The following CDKAL1 variants were observed in gnomAD, a reference collection of about 807,000 sequenced individuals.
The protein encoded by CDKAL1 is threonylcarbamoyladenosine tRNA methylthiotransferase.
In CDKAL1, 32 loss-of-function variants were observed where a neutral mutation model predicts 68.2. The ratio of observed to expected loss-of-function variants is 0.47; its 90% CI spans 0.35 to 0.63. The LOEUF is 0.63. CDKAL1 is among the 30% of genes least tolerant of loss of function. CDKAL1 has a pLI of 0.00. For missense variants in CDKAL1, 606 were observed against 696.7 expected (o/e 0.87, Z 1.47); for synonymous variants, 234 against 244.3 (o/e 0.96, Z 0.39).
chr6:20,998,756 C>G (rs1444469919), intron 10 of CDKAL1, among the ~76,000 whole-genome samples: 2 of 152,052 alleles, frequency 1.3e-5, no homozygotes, highest in Non-Finnish European at 2.9e-5. Flanking sequence ...CTATATGTAA[C>G]AAGGTTAATA....
chr6:21,011,046 C>T (rs1283537626), intron 11 of CDKAL1, among the ~76,000 whole-genome samples: 3 of 141,760 alleles, frequency 2.1e-5, no homozygotes, highest in Non-Finnish European at 3.0e-5. Context: ...CGCACCACTG[C>T]ACTCCAGCCT....
intron 11 of CDKAL1, among the ~76,000 whole-genome samples, chr6:21,036,413 G>T (rs1769599519): frequency 6.6e-6 from 1 of 152,084 alleles, no homozygotes; most frequent in Admixed American, 6.6e-5. Flanking sequence ...GTATGGTGTG[G>T]CAGAGCAAGT....
chr6:20,582,628 G>A (rs889503626), intron 4 of CDKAL1, among the ~76,000 whole-genome samples: 1 of 151,998 alleles, frequency 6.6e-6, no homozygotes, highest in African/African-American at 2.4e-5. Flanking sequence ...TGTGGTCACT[G>A]GAAATTTTCT....
chr6:20,783,728 A>G (rs1193502262), intron 8 of CDKAL1, among the ~76,000 whole-genome samples: 6 of 152,094 alleles, frequency 3.9e-5, no homozygotes, highest in Admixed American at 6.5e-5. Context: ...TTTACACACT[A>G]TGTCATTTGT....
chr6:20,996,338 T>C lies in CDKAL1; in HGVS notation c.910-3889T>C, dbSNP rs57015150. On this transcript the variant is annotated intron_variant, in intron 10 of 15. Coordinates refer to ENST00000274695, the MANE Select transcript of CDKAL1 (RefSeq NM_017774.3). ...ATTTGGCTGACTGGTGCAAGAGGCC[T>C]AGCTTTTAACGTGTCTCAGCTTTTG... Among the ~76,000 whole-genome samples, 525 of 152,378 alleles carry C rather than the reference T, an allele frequency of 3.4e-3. 3 individuals are homozygous for C. The highest frequency in any genetic ancestry group is 0.012 in the African/African-American group (497 of 41,586).
At chr6:21,008,968 C>G (rs988942870) in intron 11 of CDKAL1, among the ~76,000 whole-genome samples, 1 of 152,106 alleles carries the variant, frequency 6.6e-6, no homozygotes, top group African/African-American at 2.4e-5. Context: ...ATTCTGTGGA[C>G]CCCCGCTGGC....
At chr6:21,109,385 C>G (rs1774012449) in intron 13 of CDKAL1, among the ~76,000 whole-genome samples, 1 of 152,152 alleles carries the variant, frequency 6.6e-6, no homozygotes, top group Non-Finnish European at 1.5e-5. Flanking sequence ...GTGAAAACTA[C>G]TTTCCTCAGT....
chr6:20,696,671 T>C (rs1351214680), intron 5 of CDKAL1, among the ~76,000 whole-genome samples: 1 of 152,190 alleles, frequency 6.6e-6, no homozygotes, highest in Non-Finnish European at 1.5e-5. Context: ...ATTAATTCTT[T>C]GTAAGTTGTG....
intron 15 of CDKAL1, among the ~76,000 whole-genome samples, chr6:21,210,695 G>T (rs969002059): frequency 3.3e-5 from 5 of 152,222 alleles, no homozygotes; most frequent in African/African-American, 1.2e-4. Context: ...GAAGTTGGAA[G>T]ATAGGAGATC....
At chr6:20,691,367 G>A (rs1358275209) in intron 5 of CDKAL1, among the ~76,000 whole-genome samples, 1 of 151,844 alleles carries the variant, frequency 6.6e-6, no homozygotes, top group Admixed American at 6.6e-5. Context: ...CTTCTGCTTG[G>A]TGATGTTGGA....
chr6:21,058,123 C>A (rs1014980010), intron 11 of CDKAL1, among the ~76,000 whole-genome samples: 2 of 152,142 alleles, frequency 1.3e-5, no homozygotes, highest in African/African-American at 4.8e-5. Flanking sequence ...TTTAAAGTGT[C>A]CCGCTATTAT....
intron 13 of CDKAL1, among the ~76,000 whole-genome samples, chr6:21,113,730 A>G (rs1041218124): frequency 1.3e-5 from 2 of 151,240 alleles, no homozygotes; most frequent in Non-Finnish European, 2.9e-5. Context: ...CAGCCTCCCA[A>G]AGTGCTGGAA....
At chr6:20,595,598 T>C (rs1254616203) in intron 4 of CDKAL1, among the ~76,000 whole-genome samples, 2 of 152,112 alleles carry the variant, frequency 1.3e-5, no homozygotes, top group African/African-American at 4.8e-5. Flanking sequence ...GTTCTTTGCT[T>C]CCTTGCATTG....
chr6:21,161,383 A>G (rs1484245984), intron 13 of CDKAL1, among the ~76,000 whole-genome samples: 3 of 152,240 alleles, frequency 2.0e-5, no homozygotes, highest in Non-Finnish European at 2.9e-5. Flanking sequence ...TATGCTATAG[A>G]AAAACAATAT....
intron 8 of CDKAL1, among the ~76,000 whole-genome samples, chr6:20,826,135 T>G (rs1777493549): frequency 6.6e-6 from 1 of 152,120 alleles, no homozygotes; most frequent in Non-Finnish European, 1.5e-5. Flanking sequence ...AACTGGAGTT[T>G]GGAGGAACAG....
intron 7 of CDKAL1, among the ~76,000 whole-genome samples, chr6:20,771,837 T>G (rs74605480): frequency 0.011 from 1,691 of 152,306 alleles, 30 homozygotes; most frequent in African/African-American, 0.037. Context: ...CTGCCGTGAC[T>G]GGAGGCTTCC....
At chr6:21,095,617 C>T (rs942002076) in intron 12 of CDKAL1, among the ~76,000 whole-genome samples, 8 of 150,754 alleles carry the variant, frequency 5.3e-5, no homozygotes, top group African/African-American at 2.0e-4. Flanking sequence ...ACCCCTCCTG[C>T]CGAAGGCTTG....
intron 11 of CDKAL1, among the ~76,000 whole-genome samples, chr6:21,064,658 A>C (rs535604137): frequency 6.6e-6 from 1 of 152,330 alleles, no homozygotes; most frequent in East Asian, 1.9e-4. Flanking sequence ...TACTGTGTTA[A>C]CTAGGAGTTG....
At chr6:20,761,349 C>G (rs1309930329) in intron 7 of CDKAL1, among the ~76,000 whole-genome samples, 1 of 152,158 alleles carries the variant, frequency 6.6e-6, no homozygotes, top group Non-Finnish European at 1.5e-5. Flanking sequence ...GGTACAGGTA[C>G]TTTGAAAGAC....
Sources: allele counts gnomAD v4.1 joint callset (sites outside exome capture counted in the v4.1 genomes callset), GRCh38; gene constraint gnomAD v4.1.1; transcripts MANE v1.5; gene names NCBI Gene and HGNC (gene_info 2026-07-23, HGNC 2026-07-21).